Variants in NRBP2 observed in about 807,000 individuals in gnomAD.
NRBP2 encodes nuclear receptor binding protein 2.
Under a neutral mutation model 74.4 loss-of-function variants are expected in NRBP2, and 47 were observed. The observed-to-expected ratio is 0.63, with a 90% CI of 0.50 to 0.81. NRBP2 has a LOEUF of 0.81. Ranked by LOEUF, NRBP2 falls within the 30% of genes least tolerant of loss-of-function variation. The pLI is 0.00. For synonymous variants in NRBP2, 312 were observed against 273.8 expected (o/e 1.14, Z -1.38); for missense variants, 613 against 690.1 (o/e 0.89, Z 1.25).
rs782317840 is a variant in NRBP2 at position 143,837,603 on chromosome 8, C to CG, written c.973+19dup. The CG allele has an allele frequency of 8.8e-6, 14 of 1,597,844 alleles. No individual in the cohort carries two copies. The highest frequency in any genetic ancestry group is 1.2e-5 in the Non-Finnish European group (14 of 1,172,842). The stretch of plus-strand genomic sequence containing the variant: ...AACCTCCACCTCCCCAGCCACCCCC[C>CG]GGGCCGGCCTGCTGCTCACACTGGT... On this transcript the variant is annotated intron_variant, in intron 11 of 17. Transcript: ENST00000442628. This position sits in a 1 kb window ranked among gnomAD's most constrained non-coding sequence, Gnocchi z 4.3.
rs1554652081 is a variant in NRBP2 at position 143,837,229 on chromosome 8, A to G, written c.1127+20T>C. ...CAGGCCTGACAGCTGCCTGGCCCCC[A>G]ACCTTACATCAGTTCTCACCTGACA... On this transcript the variant is annotated intron_variant, in intron 13 of 17. Coordinates refer to ENST00000442628, the MANE Select transcript of NRBP2 (RefSeq NM_178564.4). This position sits in a 1 kb window ranked among gnomAD's most constrained non-coding sequence, Gnocchi z 4.3. The G allele has an allele frequency of 1.9e-6, 3 of 1,613,774 alleles. No individual in the cohort carries two copies. Among genetic ancestry groups the G allele is most frequent in the African/African-American group, 2.7e-5 (2 of 74,874 alleles).
chr8:143,832,810 C>T (rs1053264045), downstream of NRBP2, among the ~76,000 whole-genome samples: 11 of 152,304 alleles, frequency 7.2e-5, no homozygotes, highest in South Asian at 8.3e-4. Context: ...CAGAGGCTGG[C>T]GGGATCCTCC....
chr8:143,840,549 A>AAAG lies in NRBP2; in HGVS notation c.129+154_129+156dup. On this transcript the variant is annotated intron_variant, in intron 1 of 17. Transcript: ENST00000442628. The surrounding 1 kb of genome is among the most constrained non-coding windows in gnomAD (Gnocchi z 5.7). The stretch of plus-strand genomic sequence containing the variant: ...GGAGTCCCAGGGCGAGCGCCAGGCC[A>AAAG]AAGGGGTCCAGGGGTGGCTGATTCG... 1.3e-6 allele frequency: 1 copy of AAAG among 789,386 alleles called. No homozygotes were observed. The highest frequency in any genetic ancestry group is 1.9e-5 in the South Asian group (1 of 51,544). The allele number at this position is 789,386 out of a possible 1,614,324, so 48.9% of individuals were successfully genotyped here.
chr8:143,836,574 A>G (rs928252567), intron 14 of NRBP2, among the ~76,000 whole-genome samples: 21 of 151,562 alleles, frequency 1.4e-4, no homozygotes, highest in Non-Finnish European at 2.7e-4. Flanking sequence ...CTGTTAGGAC[A>G]TGAATTCTGG....
At chr8:143,830,634 C>T (rs1382068477), downstream of NRBP2, among the ~76,000 whole-genome samples, 1 of 152,230 alleles carries the variant, frequency 6.6e-6, no homozygotes, top group Non-Finnish European at 1.5e-5. Context: ...TAGAATGGCC[C>T]AGCCAGATCC....
rs1818666461 is a variant in NRBP2, at chr8:143,840,922, C to CCAGCCTAGAGCCGCCGCGG, written c.-107_-89dup. ...CCGCCCTGGCCTCGCGCCCAGCAGCCCAGCCTAGAGCCGCCGCGGCAGCCT... is the reference window on the plus strand; with the variant it reads ...CCGCCCTGGCCTCGCGCCCAGCAGCCCAGCCTAGAGCCGCCGCGGCAGCCTAGAGCCGCCGCGGCAGCCT... On this transcript the variant is annotated 5_prime_UTR_variant, in exon 1 of 18. Coordinates refer to ENST00000442628, the MANE Select transcript of NRBP2 (RefSeq NM_178564.4). This position sits in a 1 kb window ranked among gnomAD's most constrained non-coding sequence, Gnocchi z 5.7. 1.7e-6 allele frequency: 2 copies of CCAGCCTAGAGCCGCCGCGG among 1,199,362 alleles called. No individual in the cohort carries two copies. Among genetic ancestry groups the CCAGCCTAGAGCCGCCGCGG allele is most frequent in the African/African-American group, 3.2e-5 (2 of 62,248 alleles). 74.3% of individuals were successfully genotyped at this position (1,199,362 alleles called of 1,614,324 possible). A position where few individuals can be genotyped will look rare whatever the true frequency, so the allele number is the denominator to read the frequency against.
In NRBP2 at chr8:143,839,071, G is replaced by C. The variant is rs980941194; in HGVS notation, c.634C>G (p.Arg212Gly). 4 of 1,532,142 alleles carry C rather than the reference G, an allele frequency of 2.6e-6. No individual in the cohort carries two copies. Among genetic ancestry groups the C allele is most frequent in the African/African-American group, 2.7e-5 (2 of 72,972 alleles). The allele number at this position is 1,532,142 out of a possible 1,614,324, so 94.9% of individuals were successfully genotyped here. A position where few individuals can be genotyped will look rare whatever the true frequency, so the allele number is the denominator to read the frequency against. ...ALPDDLRSPI[R>G]AEREELRNLH... Reference sequence around the variant, plus strand: ...TTCCGAAGTTCCTCTCGCTCAGCGCGGATGGGGCTTCGGAGATCATCTGGA... The same window carrying C: ...TTCCGAAGTTCCTCTCGCTCAGCGCCGATGGGGCTTCGGAGATCATCTGGA... Residue 212 changes from arginine (R) to glycine (G), a missense_variant, in exon 8 of 18, where the codon CGC (arginine) becomes GGC (glycine). Around this residue, in one of 2 missense-constraint regions of NRBP2, gnomAD observed 332 missense variants for 429.2 expected, o/e 0.77. Coordinates refer to ENST00000442628, the MANE Select transcript of NRBP2 (RefSeq NM_178564.4). This position sits in a 1 kb window ranked among gnomAD's most constrained non-coding sequence, Gnocchi z 5.1.
At chr8:143,831,197 C>G (rs1279540760), downstream of NRBP2, among the ~76,000 whole-genome samples, 2 of 152,244 alleles carry the variant, frequency 1.3e-5, no homozygotes, top group Non-Finnish European at 2.9e-5. Context: ...TCCTCACAAC[C>G]CAGTGCTATG....
chr8:143,839,484 C>G lies in NRBP2; in HGVS notation c.485+25G>C. On this transcript the variant is annotated intron_variant, in intron 5 of 17. Transcript: ENST00000442628. This position sits in a 1 kb window ranked among gnomAD's most constrained non-coding sequence, Gnocchi z 5.1. ...GAGAGATGGGGGCTCGGTGGCGCCG[C>G]GCCCAGGCCAGCCCAGGCCCTCACC... 2.6e-6 allele frequency: 4 copies of G among 1,530,634 alleles called. No individual in the cohort carries two copies. The highest frequency in any genetic ancestry group is 2.6e-6 in the Non-Finnish European group (3 of 1,143,652). The allele number at this position is 1,530,634 out of a possible 1,614,324, so 94.8% of individuals were successfully genotyped here.
In NRBP2 at chr8:143,839,307, C is replaced by G. The variant is rs1554652922; in HGVS notation, c.580+7G>C. 6.4e-7 allele frequency: 1 copy of G among 1,555,118 alleles called. No individual in the cohort carries two copies. The highest frequency in any genetic ancestry group is 2.4e-5 in the East Asian group (1 of 42,214). ...CGTTCCCCCACCCAGCCCTGCCCCG[C>G]CAGCACCGGAGCCGATCTTGATGAG... On this transcript the variant is annotated splice_region_variant and intron_variant, in intron 6 of 17. Coordinates refer to ENST00000442628, the MANE Select transcript of NRBP2 (RefSeq NM_178564.4). The surrounding 1 kb of genome is among the most constrained non-coding windows in gnomAD (Gnocchi z 5.1).
rs755001045 is a variant in NRBP2 at position 143,833,594 on chromosome 8, T to G, written c.*2068A>C. 4 of 152,002 alleles carry G rather than the reference T, an allele frequency of 2.6e-5. No homozygotes were observed. Among genetic ancestry groups the G allele is most frequent in the Non-Finnish European group, 4.4e-5 (3 of 67,998 alleles). 9.4% of individuals were successfully genotyped at this position (152,002 alleles called of 1,614,324 possible). On this transcript the variant is annotated 3_prime_UTR_variant, in exon 18 of 18. Coordinates refer to ENST00000442628, the MANE Select transcript of NRBP2 (RefSeq NM_178564.4). Reference sequence around the variant, plus strand: ...TTAAGAGAGTTGAATTTGGAGAGGATCAGAGTAGGAGCCTGCATTTATTAT... The same window carrying G: ...TTAAGAGAGTTGAATTTGGAGAGGAGCAGAGTAGGAGCCTGCATTTATTAT...
In NRBP2 at chr8:143,840,197, G is replaced by A; in HGVS notation, c.162C>T (p.Ser54=). 1 of 1,536,138 alleles carries A rather than the reference G, an allele frequency of 6.5e-7. No individual in the cohort carries two copies. The change falls in exon 2 of 18, where the codon AGC becomes AGT. Residue 54 remains serine (S), a synonymous_variant. Transcript: ENST00000442628. The surrounding 1 kb of genome is among the most constrained non-coding windows in gnomAD (Gnocchi z 5.7). ...CCTCCGTGTCCATGGCTAGGAAGGT[G>A]CTCTGAAGCCCTGGCATGTTCCCTT... The part of the protein sequence containing the change: ...VNQGNMPGLQ[S]TFLAMDTEEG...
downstream of NRBP2, among the ~76,000 whole-genome samples, chr8:143,830,249 G>A (rs1554649761): frequency 6.6e-6 from 1 of 152,272 alleles, no homozygotes; most frequent in Non-Finnish European, 1.5e-5. Context: ...ATATTGCAGA[G>A]CTTAAGAAAG....
chr8:143,837,601 C>A lies in NRBP2; in HGVS notation c.973+22G>T, dbSNP rs371148170. 3.6e-4 allele frequency: 580 copies of A among 1,597,428 alleles called. No homozygotes were observed. In the African/African-American group the frequency reaches 6.5e-3, roughly 18 times the overall value. ...CCAACCTCCACCTCCCCAGCCACCCCCCGGGCCGGCCTGCTGCTCACACTG... is the reference window on the plus strand; with the variant it reads ...CCAACCTCCACCTCCCCAGCCACCCACCGGGCCGGCCTGCTGCTCACACTG... On this transcript the variant is annotated intron_variant, in intron 11 of 17. Transcript: ENST00000442628. This position sits in a 1 kb window ranked among gnomAD's most constrained non-coding sequence, Gnocchi z 4.3.
intron 14 of NRBP2, among the ~76,000 whole-genome samples, chr8:143,836,627 G>A (rs1554651854): frequency 1.4e-5 from 2 of 147,182 alleles, no homozygotes; most frequent in East Asian, 2.1e-4. Context: ...AGGGGGTGCT[G>A]CAGGAAAAGT....
Position 143,837,148 on chromosome 8 carries a change from A to G in NRBP2, c.1154T>C (p.Phe385Ser). The G allele has an allele frequency of 6.2e-7, 1 of 1,612,252 alleles. No homozygotes were observed. The highest frequency in any genetic ancestry group is 8.5e-7 in the Non-Finnish European group (1 of 1,178,734). ...CAGCCCCAGGGGTCGAGTGGCTGCA[A>G]AGTTCATCAGTGGGTAGATTCCATT... is the stretch of plus-strand genomic sequence containing the variant. ...VRNGIYPLMN[F>S]AATRPLGLPR... is the part of the protein sequence containing the mutation. Residue 385 changes from phenylalanine to serine, a missense_variant, in exon 14 of 18, where the codon TTT (phenylalanine) becomes TCT (serine). This residue lies in a region of NRBP2 where 281 missense variants were observed against 260.9 expected (regional missense o/e 1.08). Transcript: ENST00000442628. The surrounding 1 kb of genome is among the most constrained non-coding windows in gnomAD (Gnocchi z 4.3).
rs1305361068 is a variant in NRBP2, at chr8:143,834,772, A to C, written c.*890T>G. 1 of 152,406 alleles carries C rather than the reference A, an allele frequency of 6.6e-6. No homozygotes were observed. The highest frequency in any genetic ancestry group is 1.9e-4 in the East Asian group (1 of 5,196). The allele number at this position is 152,406 out of a possible 1,614,324, so 9.4% of individuals were successfully genotyped here. A position where few individuals can be genotyped will look rare whatever the true frequency, so the allele number is the denominator to read the frequency against. ...AATCCATGAGGGCATAGAAATCTCT[A>C]AGACTGAGCCAGGAGTGGAGTGGGA... is the stretch of plus-strand genomic sequence containing the variant. On this transcript the variant is annotated 3_prime_UTR_variant, in exon 18 of 18. Coordinates refer to ENST00000442628, the MANE Select transcript of NRBP2 (RefSeq NM_178564.4).
At position 143,836,187 on chromosome 8, in the gene NRBP2, C is replaced by CG; in HGVS notation, c.1264-8dup. On this transcript the variant is annotated splice_polypyrimidine_tract_variant and splice_region_variant and intron_variant, in intron 14 of 17. Coordinates refer to ENST00000442628, the MANE Select transcript of NRBP2 (RefSeq NM_178564.4). ...TGCACTGCATCTGGATGACCTGCAGCGGGGGAAGGCTGGGACTCACAAACC... is the reference window on the plus strand; with the variant it reads ...TGCACTGCATCTGGATGACCTGCAGCGGGGGGAAGGCTGGGACTCACAAACC... 1.3e-6 allele frequency: 2 copies of CG among 1,541,934 alleles called. No homozygotes were observed. Among genetic ancestry groups the CG allele is most frequent in the South Asian group, 1.3e-5 (1 of 79,566 alleles).
chr8:143,836,466 C>T (rs1340807189), intron 14 of NRBP2, among the ~76,000 whole-genome samples: 2 of 151,826 alleles, frequency 1.3e-5, no homozygotes, highest in Non-Finnish European at 2.9e-5. Context: ...AGGACCGCGC[C>T]GAAGTGCACG....
Sources: allele counts gnomAD v4.1 joint callset (sites outside exome capture counted in the v4.1 genomes callset), GRCh38; gene constraint gnomAD v4.1.1; regional missense constraint gnomAD v4.1.1; non-coding constraint Gnocchi (gnomAD v3.1); transcripts MANE v1.5; gene names NCBI Gene and HGNC (gene_info 2026-07-23, HGNC 2026-07-21).